Variants in HPGDS observed in about 807,000 individuals in gnomAD.
HPGDS encodes GST class-sigma.
Under a neutral mutation model 23.1 loss-of-function variants are expected in HPGDS, and 26 were observed. The observed-to-expected ratio is 1.13, with a 90% CI of 0.83 to 1.56. The LOEUF (loss-of-function observed/expected upper bound fraction) is 1.56, where lower values mean the gene tolerates loss of function less well. Among genes scored for constraint, HPGDS ranks in the 40% most tolerant of loss-of-function variants. HPGDS has a pLI of 0.00. For synonymous variants in HPGDS, 95 were observed against 77.9 expected (o/e 1.22, Z -1.16); for missense variants, 268 against 236.4 (o/e 1.13, Z -0.88).
intron 2 of HPGDS, among the ~76,000 whole-genome samples, chr4:94,326,802 T>C (rs1398233275): frequency 6.6e-6 from 1 of 152,200 alleles, no homozygotes; most frequent in Non-Finnish European, 1.5e-5. Context: ...TTTATGTTGA[T>C]TTCTGTGTAT....
intron 2 of HPGDS, among the ~76,000 whole-genome samples, chr4:94,327,302 C>A (rs1371494107): frequency 1.3e-5 from 2 of 152,076 alleles, no homozygotes; most frequent in African/African-American, 2.4e-5. Flanking sequence ...GGCCACTGGA[C>A]AATGCATTCA....
intron 3 of HPGDS, among the ~76,000 whole-genome samples, chr4:94,312,155 T>C (rs11097412): frequency 1 from 150,875 of 151,612 alleles, 75,073 homozygotes; most frequent in East Asian, 1. Context: ...CTGCTCTGAT[T>C]TTAGTTATTT....
chr4:94,298,942 G>A lies in HPGDS; in HGVS notation c.*538C>T, dbSNP rs774304151. The A allele has an allele frequency of 1.3e-5, 2 of 152,172 alleles. No individual in the cohort carries two copies. The highest frequency in any genetic ancestry group is 4.8e-5 in the African/African-American group (2 of 41,422). The allele number at this position is 152,172 out of a possible 1,614,324, so 9.4% of individuals were successfully genotyped here. ...AAATGTCAAAGGGATTTATCACTGG[G>A]CCACAAGCAGGCAATAGCAATACAA... On this transcript the variant is annotated 3_prime_UTR_variant, in exon 6 of 6. Coordinates refer to ENST00000295256, the MANE Select transcript of HPGDS (RefSeq NM_014485.3).
At chr4:94,336,970 G>A (rs955093497) in intron 1 of HPGDS, among the ~76,000 whole-genome samples, 8 of 151,628 alleles carry the variant, frequency 5.3e-5, no homozygotes, top group East Asian at 1.9e-4. Context: ...GTTTTGTTTC[G>A]TTTTGTTTTG....
intron 2 of HPGDS, among the ~76,000 whole-genome samples, chr4:94,324,429 G>A (rs532203458): frequency 1.4e-4 from 21 of 151,710 alleles, no homozygotes; most frequent in African/African-American, 2.9e-4. Flanking sequence ...TCACATAGTC[G>A]CATGTTTCTT....
chr4:94,334,362 T>C (rs1339149376), intron 2 of HPGDS, 135 bp downstream of exon 2: 2 of 707,144 alleles, frequency 2.8e-6, no homozygotes, highest in East Asian at 5.8e-5. Flanking sequence ...ACAGCATTTA[T>C]TTAGTCTGAA....
chr4:94,340,311 C>CTTTCTTTTTCTTTTCTTTTTTTTTTTTT, intron 1 of HPGDS, among the ~76,000 whole-genome samples: 4 of 23,678 alleles, frequency 1.7e-4, no homozygotes, highest in East Asian at 1.4e-3. Context: ...CTTTCTTTCT[C>CTTTCTTTTTCTTTTCTTTTTTTTTTTTT]TTTTTTTTTT....
chr4:94,324,272 T>C (rs1473302776), intron 2 of HPGDS, among the ~76,000 whole-genome samples: 3 of 152,156 alleles, frequency 2.0e-5, no homozygotes, highest in Non-Finnish European at 4.4e-5. Flanking sequence ...GTCTTTGTGG[T>C]GTTCTCTGTA....
intron 2 of HPGDS, among the ~76,000 whole-genome samples, chr4:94,320,606 G>T (rs1039695090): frequency 6.6e-6 from 1 of 152,090 alleles, no homozygotes; most frequent in Admixed American, 6.6e-5. Flanking sequence ...TTTTGATGGG[G>T]TTGTTTGATT....
intron 4 of HPGDS, 131 bp from the exon 5 acceptor site, chr4:94,302,375 T>C (rs1756059822): frequency 3.2e-6 from 2 of 619,208 alleles, no homozygotes; most frequent in Admixed American, 5.9e-5. Flanking sequence ...CTAGATTTTT[T>C]ATTCAAATTT....
chr4:94,340,309 C>CTTTTTTTT (rs1560597992), intron 1 of HPGDS, among the ~76,000 whole-genome samples: 1 of 28,764 alleles, frequency 3.5e-5, no homozygotes, highest in Non-Finnish European at 6.5e-5. Flanking sequence ...TTCTTTCTTT[C>CTTTTTTTT]TCTTTTTTTT....
intron 2 of HPGDS, among the ~76,000 whole-genome samples, chr4:94,325,038 A>G (rs1352669963): frequency 6.6e-6 from 1 of 152,064 alleles, no homozygotes; most frequent in Non-Finnish European, 1.5e-5. Context: ...GGTCTGCTGG[A>G]GTTTGCTGGA....
chr4:94,302,417 A>C (rs890358211), intron 4 of HPGDS, among the ~76,000 whole-genome samples, 173 bp from the exon 5 acceptor site: 1 of 152,174 alleles, frequency 6.6e-6, no homozygotes, highest in African/African-American at 2.4e-5. Context: ...GATTCTCTAT[A>C]GATGTGAGTC....
chr4:94,339,832 G>C (rs1262386012), intron 1 of HPGDS, among the ~76,000 whole-genome samples: 2 of 151,994 alleles, frequency 1.3e-5, no homozygotes, highest in Non-Finnish European at 2.9e-5. Context: ...TCATGGGGGC[G>C]GTTTCCCCCA....
chr4:94,315,094 G>A (rs1169779305), intron 3 of HPGDS, among the ~76,000 whole-genome samples: 1 of 152,184 alleles, frequency 6.6e-6, no homozygotes, highest in South Asian at 2.1e-4. Flanking sequence ...TCCTGGGTGA[G>A]GCGATGCCTC....
chr4:94,341,166 C>T (rs184622957), intron 1 of HPGDS, among the ~76,000 whole-genome samples: 1 of 152,086 alleles, frequency 6.6e-6, no homozygotes, highest in Non-Finnish European at 1.5e-5. Flanking sequence ...ATTACCCAGT[C>T]TCAGGTATGT....
intron 4 of HPGDS, 115 bp downstream of exon 4, chr4:94,308,519 G>A (rs1206227983): frequency 1.9e-6 from 1 of 523,048 alleles, no homozygotes; most frequent in Non-Finnish European, 3.4e-6. Flanking sequence ...ATATAATTTG[G>A]TATTTTAAAA....
At chr4:94,306,277 A>G (rs1390092162) in intron 4 of HPGDS, among the ~76,000 whole-genome samples, 1 of 152,108 alleles carries the variant, frequency 6.6e-6, no homozygotes, top group Non-Finnish European at 1.5e-5. Context: ...AAAGGAAACC[A>G]CTAGAAGCTG....
At chr4:94,322,756 G>T (rs919484689) in intron 2 of HPGDS, among the ~76,000 whole-genome samples, 6 of 151,812 alleles carry the variant, frequency 4.0e-5, no homozygotes, top group Admixed American at 6.6e-5. Flanking sequence ...TTGTATCTCT[G>T]TCTCCTTCAG....
Sources: allele counts gnomAD v4.1 joint callset (sites outside exome capture counted in the v4.1 genomes callset), GRCh38; gene constraint gnomAD v4.1.1; transcripts MANE v1.5; gene names NCBI Gene and HGNC (gene_info 2026-07-23, HGNC 2026-07-21).